Variants in PRIMPOL observed in about 807,000 individuals in gnomAD.
The protein encoded by PRIMPOL is DNA-directed primase/polymerase protein.
PRIMPOL carries 54 observed loss-of-function variants against 63.6 expected under a neutral mutation model. The observed-to-expected ratio is 0.85, with a 90% CI of 0.68 to 1.07. The LOEUF (loss-of-function observed/expected upper bound fraction) is 1.07, where lower values mean the gene tolerates loss of function less well. PRIMPOL is among the 50% of genes least tolerant of loss of function. PRIMPOL has a pLI of 0.00. For missense variants in PRIMPOL, 610 were observed against 648.3 expected, an observed-to-expected ratio of 0.94 and a Z score of 0.64; for synonymous variants, 197 against 220.2, an observed-to-expected ratio of 0.89 and a Z score of 0.93.
rs1756782486 is a variant in PRIMPOL, at chr4:184,685,594, A to C, written c.1205A>C (p.Tyr402Ser). 3 of 1,612,162 alleles carry C rather than the reference A, an allele frequency of 1.9e-6. No homozygotes were observed. The highest frequency in any genetic ancestry group is 1.1e-5 in the South Asian group (1 of 90,912). Reference protein sequence around the residue: ...GIKGGIRRWNYFFPEELLVYD... With the variant: ...GIKGGIRRWNSFFPEELLVYD... ...ATTTTAGGAATTCGGCGTTGGAACT[A>C]CTTTTTCCCAGAAGAATTACTGGTT... Residue 402 changes from tyrosine (Y) to serine (S), a missense_variant, in exon 11 of 14, where the codon TAC (tyrosine) becomes TCC (serine). Tyr to Ser is a moderately radical substitution (Grantham distance 144). Transcript: ENST00000314970.
intron 6 of PRIMPOL, among the ~76,000 whole-genome samples, chr4:184,667,423 G>A (rs1461155428): frequency 6.6e-6 from 1 of 152,010 alleles, no homozygotes; most frequent in East Asian, 1.9e-4. Flanking sequence ...CGATTCTCCT[G>A]CCTCAGCCTC....
intron 13 of PRIMPOL, among the ~76,000 whole-genome samples, chr4:184,691,924 G>A (rs1201405870): frequency 3.4e-5 from 5 of 147,628 alleles, no homozygotes; most frequent in Non-Finnish European, 5.9e-5. Context: ...ACTGCTGCTT[G>A]AGGTGTACAG....
At chr4:184,652,240 A>AG (rs1203732054) in intron 2 of PRIMPOL, 140 bp downstream of exon 2, 1 of 152,142 alleles carries the variant, frequency 6.6e-6, no homozygotes, top group Non-Finnish European at 1.5e-5. Flanking sequence ...CAGATTCTGG[A>AG]GGGGAGTTTA....
chr4:184,694,249 C>T lies in PRIMPOL; in HGVS notation c.1426-273C>T. ...TGTTAAAAAATTAAATCCACCCTTG[C>T]TCTTCCGTCGGGGAGTATTGAAAAG... On this transcript the variant is annotated intron_variant, in intron 13 of 13. Coordinates refer to ENST00000314970, the MANE Select transcript of PRIMPOL (RefSeq NM_152683.4). 7 of 1,141,000 alleles carry T rather than the reference C, an allele frequency of 6.1e-6. No homozygotes were observed. The South Asian group carries it at 2.6e-4, about 42-fold the overall frequency. The allele number at this position is 1,141,000 out of a possible 1,614,324, so 70.7% of individuals were successfully genotyped here.
At chr4:184,673,127 TTC>T (rs1307270617) in intron 7 of PRIMPOL, among the ~76,000 whole-genome samples, 1 of 30,616 alleles carries the variant, frequency 3.3e-5, no homozygotes, top group Non-Finnish European at 7.7e-5. Flanking sequence ...AGCAGGTTTT[TTC>T]TTTTTCTTTT....
chr4:184,676,399 C>CTTT (rs1377660034), intron 7 of PRIMPOL, among the ~76,000 whole-genome samples: 2 of 95,146 alleles, frequency 2.1e-5, no homozygotes, highest in African/African-American at 4.9e-5. Flanking sequence ...CCTTCCCTTC[C>CTTT]CCCTTCCCTT....
At chr4:184,655,041 C>T (rs556592322) in intron 2 of PRIMPOL, among the ~76,000 whole-genome samples, 5 of 151,590 alleles carry the variant, frequency 3.3e-5, no homozygotes, top group African/African-American at 7.3e-5. Context: ...GGAGTAGTCC[C>T]AGCTACTCAG....
At chr4:184,654,763 TA>T (rs1208871515) in intron 2 of PRIMPOL, among the ~76,000 whole-genome samples, 1 of 152,102 alleles carries the variant, frequency 6.6e-6, no homozygotes, top group Non-Finnish European at 1.5e-5. Flanking sequence ...AAGCAGTTTT[TA>T]AAAAAATTGC....
At chr4:184,666,406 T>C (rs1749893787) in intron 6 of PRIMPOL, among the ~76,000 whole-genome samples, 1 of 152,182 alleles carries the variant, frequency 6.6e-6, no homozygotes, top group Admixed American at 6.6e-5. Flanking sequence ...GAGGTTGCAG[T>C]AAGCCAGGAT....
intron 9 of PRIMPOL, among the ~76,000 whole-genome samples, chr4:184,685,108 G>A (rs976576733): frequency 2.0e-5 from 3 of 152,192 alleles, no homozygotes; most frequent in Non-Finnish European, 4.4e-5. Flanking sequence ...CCAAGACCTG[G>A]CTGATGGAGC....
Position 184,694,156 on chromosome 4 carries a change from T to C in PRIMPOL, c.1426-366T>C, listed in dbSNP as rs1436805943. ...GCTAAATACTTTAAAATTTAAAGCA[T>C]GGGTACTAAGTCCATTGTCAAGATA... On this transcript the variant is annotated intron_variant, in intron 13 of 13. Coordinates refer to ENST00000314970, the MANE Select transcript of PRIMPOL (RefSeq NM_152683.4). 5.5e-6 allele frequency: 5 copies of C among 906,352 alleles called. No homozygotes were observed. In the African/African-American group the frequency reaches 8.9e-5, roughly 16 times the overall value. 56.1% of individuals were successfully genotyped at this position (906,352 alleles called of 1,614,324 possible). A position where few individuals can be genotyped will look rare whatever the true frequency, so the allele number is the denominator to read the frequency against.
intron 11 of PRIMPOL, among the ~76,000 whole-genome samples, chr4:184,690,622 G>A (rs1490476132): frequency 6.6e-6 from 1 of 152,142 alleles, no homozygotes; most frequent in Non-Finnish European, 1.5e-5. Flanking sequence ...ACCACGCCCA[G>A]CTAATTTTTG....
At chr4:184,663,256 G>A (rs1005131292) in intron 5 of PRIMPOL, among the ~76,000 whole-genome samples, 1 of 151,986 alleles carries the variant, frequency 6.6e-6, no homozygotes, top group African/African-American at 2.4e-5. Flanking sequence ...TGTTGGCCAG[G>A]CTGTTCTTGA....
chr4:184,683,894 T>C (rs1423582659), intron 9 of PRIMPOL, among the ~76,000 whole-genome samples: 1 of 152,154 alleles, frequency 6.6e-6, no homozygotes, highest in East Asian at 1.9e-4. Context: ...TTGTGAAGCC[T>C]GTATAATGTG....
At chr4:184,693,827 GAAT>G (rs1160060075) in intron 13 of PRIMPOL, among the ~76,000 whole-genome samples, 1 of 152,124 alleles carries the variant, frequency 6.6e-6, no homozygotes, top group African/African-American at 2.4e-5. Flanking sequence ...GTAGCGGAAA[GAAT>G]AAGACATTCT....
At chr4:184,692,906 A>G (rs1759234946) in intron 13 of PRIMPOL, among the ~76,000 whole-genome samples, 1 of 152,214 alleles carries the variant, frequency 6.6e-6, no homozygotes, top group Non-Finnish European at 1.5e-5. Flanking sequence ...TCTATAATGA[A>G]GTGCCTGTAC....
chr4:184,654,627 T>C (rs188907448), intron 2 of PRIMPOL, among the ~76,000 whole-genome samples: 5 of 152,132 alleles, frequency 3.3e-5, no homozygotes, highest in African/African-American at 1.2e-4. Flanking sequence ...ATTTGTTTTG[T>C]ATTTTTAGTA....
chr4:184,692,471 CAAAAAAAAAAAAA>C (rs60321808), intron 13 of PRIMPOL, among the ~76,000 whole-genome samples: 5 of 73,806 alleles, frequency 6.8e-5, no homozygotes, highest in Non-Finnish European at 1.4e-4. Context: ...GACTCTGCCT[CAAAAAAAAAAAAA>C]AAAAAAAAAG....
chr4:184,682,622 AC>A (rs756832522), intron 9 of PRIMPOL, among the ~76,000 whole-genome samples: 5 of 152,166 alleles, frequency 3.3e-5, no homozygotes, highest in Non-Finnish European at 5.9e-5. Flanking sequence ...TGCTGGGGTT[AC>A]AGGTGCAAGC....
Sources: gnomAD v4.1 joint callset for allele counts (sites outside exome capture counted in the v4.1 genomes callset) on GRCh38, gnomAD v4.1.1 for gene constraint, MANE v1.5 for transcripts, NCBI Gene and HGNC (gene_info 2026-07-23, HGNC 2026-07-21) for gene names.